The following PPARGC1B variants were observed in gnomAD, a reference collection of about 807,000 sequenced individuals.
PPARGC1B encodes the protein PPARG coactivator 1 beta.
Under a neutral mutation model 101.6 loss-of-function variants are expected in PPARGC1B, and 34 were observed. The ratio of observed to expected loss-of-function variants is 0.33; its 90% CI spans 0.25 to 0.45. The LOEUF (loss-of-function observed/expected upper bound fraction) is 0.45. Among genes scored for constraint, PPARGC1B ranks in the 20% least tolerant of loss-of-function variants. PPARGC1B has a pLI of 1.00. For missense variants in PPARGC1B, 1,234 were observed against 1,317.6 expected (o/e 0.94, Z 0.98); for synonymous variants, 548 against 539.3 (o/e 1.02, Z -0.22).
rs1454374316 is a variant in PPARGC1B at position 149,734,880 on chromosome 5, T to TTGTGGTTC, written c.78+4465_78+4472dup. ...TCTTCCCCATATGATCATGGGTGAC[T>TTGTGGTTC]TGTGGTTCTGTGTTTCTGAACTTGG... On this transcript the variant is annotated intron_variant, in intron 1 of 11. Coordinates refer to ENST00000309241, the MANE Select transcript of PPARGC1B (RefSeq NM_133263.4). Among the ~76,000 whole-genome samples the TTGTGGTTC allele has an allele frequency of 7.2e-5, 11 of 152,348 alleles. No individual in the cohort carries two copies. In the East Asian group the frequency reaches 2.1e-3, roughly 29 times the overall value.
chr5:149,796,437 G>A (rs1356833805), intron 1 of PPARGC1B, among the ~76,000 whole-genome samples: 1 of 152,204 alleles, frequency 6.6e-6, no homozygotes, highest in Non-Finnish European at 1.5e-5. Flanking sequence ...CAGGTGTTTG[G>A]ATTTCATTCT....
At chr5:149,740,442 C>A (rs972863814) in intron 1 of PPARGC1B, among the ~76,000 whole-genome samples, 2 of 152,120 alleles carry the variant, frequency 1.3e-5, no homozygotes, top group Non-Finnish European at 2.9e-5. Context: ...TTGATCTAGT[C>A]GAGGCCCTGA....
chr5:149,819,221 C>A (rs1384301342), intron 1 of PPARGC1B, among the ~76,000 whole-genome samples: 1 of 152,228 alleles, frequency 6.6e-6, no homozygotes. Flanking sequence ...TTATCAGAGT[C>A]ACCTGTGGCT....
At chr5:149,731,704 G>T (rs1014086415) in intron 1 of PPARGC1B, among the ~76,000 whole-genome samples, 1 of 152,212 alleles carries the variant, frequency 6.6e-6, no homozygotes. Context: ...CAGCTGTCAT[G>T]GGACCGGGTG....
At chr5:149,842,407 G>A in intron 10 of PPARGC1B, 30 bp downstream of exon 10, 3 of 1,610,008 alleles carry the variant, frequency 1.9e-6, no homozygotes, top group Non-Finnish European at 2.5e-6. Flanking sequence ...GGCAAATGAA[G>A]GGAGCAGAGA....
Position 149,837,348 on chromosome 5 carries a change from T to G in PPARGC1B, c.2618+275T>G. ...AGAAAGAAAACCCACTCCTGGCTATTTGTGGGCTTACGTCTATAAAGGAAC... is the reference window on the plus strand; with the variant it reads ...AGAAAGAAAACCCACTCCTGGCTATGTGTGGGCTTACGTCTATAAAGGAAC... On this transcript the variant is annotated intron_variant, in intron 8 of 11. Coordinates refer to ENST00000309241, the MANE Select transcript of PPARGC1B (RefSeq NM_133263.4). This position sits in a 1 kb window ranked among gnomAD's most constrained non-coding sequence, Gnocchi z 4.2. 6.6e-6 allele frequency among the ~76,000 whole-genome samples: 1 copy of G among 152,236 alleles called. No homozygotes were observed. Among genetic ancestry groups the G allele is most frequent in the East Asian group, 1.9e-4 (1 of 5,198 alleles).
chr5:149,784,546 A>G (rs549641943), intron 1 of PPARGC1B, among the ~76,000 whole-genome samples: 1 of 136,028 alleles, frequency 7.4e-6, no homozygotes, highest in Admixed American at 8.2e-5. Flanking sequence ...GCCTCACTCC[A>G]GCCAACTGAG....
chr5:149,762,755 T>C (rs1755762120), intron 1 of PPARGC1B, among the ~76,000 whole-genome samples: 1 of 152,150 alleles, frequency 6.6e-6, no homozygotes, highest in Non-Finnish European at 1.5e-5. Context: ...CTCACTTTTA[T>C]CCTCTAGTTC....
At chr5:149,835,182 T>C in intron 6 of PPARGC1B, 119 bp from the exon 7 acceptor site, 1 of 898,690 alleles carries the variant, frequency 1.1e-6, no homozygotes. Context: ...AGGCTCCATT[T>C]CCATGGGCAG....
intron 1 of PPARGC1B, among the ~76,000 whole-genome samples, chr5:149,801,517 T>A (rs1757429118): frequency 6.6e-6 from 1 of 151,892 alleles, no homozygotes; most frequent in South Asian, 2.1e-4. Context: ...GGACTCAGAG[T>A]GGCAGTAGGG....
chr5:149,792,153 A>G (rs1384380144), intron 1 of PPARGC1B, among the ~76,000 whole-genome samples: 26 of 152,170 alleles, frequency 1.7e-4, no homozygotes, highest in Non-Finnish European at 3.7e-4. Context: ...CTGAGATGGG[A>G]CTGGTCAGGA....
At chr5:149,745,886 T>G (rs6880142) in intron 1 of PPARGC1B, among the ~76,000 whole-genome samples, 50,257 of 151,882 alleles carry the variant, frequency 0.33, 8,802 homozygotes, top group Non-Finnish European at 0.39. Flanking sequence ...TAGGATTACT[T>G]TATGAGTGAA....
At chr5:149,820,153 G>A (rs1758227825) in intron 1 of PPARGC1B, among the ~76,000 whole-genome samples, 2 of 152,192 alleles carry the variant, frequency 1.3e-5, no homozygotes, top group Admixed American at 1.3e-4. Flanking sequence ...CAACAAAACA[G>A]TTCTGGTAAC....
rs1462739497 is a variant in PPARGC1B at position 149,836,377 on chromosome 5, G to C, written c.1922G>C (p.Gly641Ala). The change falls in exon 8 of 12, where the codon GGC becomes GCC. Residue 641 changes from glycine (G) to alanine (A), a missense_variant. By Grantham distance (60) the Gly-to-Ala change is moderately conservative. This residue lies in a region of PPARGC1B where 497 missense variants were observed against 529.5 expected (regional missense o/e 0.94). Coordinates refer to ENST00000309241, the MANE Select transcript of PPARGC1B (RefSeq NM_133263.4). ...GCTCTCAGCCTCCCCTCCCCTGAGG[G>C]CCTCTCACTCAAGGCCACCCCAGGG... Reference protein sequence around the residue: ...EIALSLPSPEGLSLKATPGAA... With the variant: ...EIALSLPSPEALSLKATPGAA... 9.9e-6 allele frequency: 16 copies of C among 1,613,924 alleles called. No homozygotes were observed. The highest frequency in any genetic ancestry group is 1.0e-5 in the Non-Finnish European group (12 of 1,180,018).
intron 1 of PPARGC1B, among the ~76,000 whole-genome samples, chr5:149,755,074 A>AT (rs201923907): frequency 1.3e-4 from 13 of 100,334 alleles, no homozygotes; most frequent in Admixed American, 7.7e-4. Context: ...TATATATATA[A>AT]TTTTTTTTTC....
intron 1 of PPARGC1B, among the ~76,000 whole-genome samples, chr5:149,803,785 C>T (rs1757506884): frequency 6.6e-6 from 1 of 152,218 alleles, no homozygotes; most frequent in African/African-American, 2.4e-5. Context: ...TCAGTTGACA[C>T]AGATTCATTG....
At chr5:149,808,730 A>G (rs1757690393) in intron 1 of PPARGC1B, among the ~76,000 whole-genome samples, 1 of 152,030 alleles carries the variant, frequency 6.6e-6, no homozygotes, top group Admixed American at 6.5e-5. Flanking sequence ...TTTACAAGAC[A>G]CTCATTTTGT....
chr5:149,774,079 G>T (rs1388623669), intron 1 of PPARGC1B, among the ~76,000 whole-genome samples: 1 of 152,180 alleles, frequency 6.6e-6, no homozygotes, highest in Non-Finnish European at 1.5e-5. Context: ...AGCAAAGAAG[G>T]TACTTGTCCT....
At chr5:149,733,612 C>T (rs1319624674) in intron 1 of PPARGC1B, among the ~76,000 whole-genome samples, 1 of 152,222 alleles carries the variant, frequency 6.6e-6, no homozygotes, top group Non-Finnish European at 1.5e-5. Context: ...CTTGGCTAGG[C>T]ACATGGATTA....
Sources: gnomAD v4.1 joint callset for allele counts (sites outside exome capture counted in the v4.1 genomes callset) on GRCh38, gnomAD v4.1.1 for gene constraint, gnomAD v4.1.1 regional missense constraint, Gnocchi (gnomAD v3.1) non-coding constraint, MANE v1.5 for transcripts, NCBI Gene and HGNC (gene_info 2026-07-23, HGNC 2026-07-21) for gene names.